Variants in EIF5B observed in about 807,000 individuals in gnomAD.
EIF5B encodes the protein eIF-5B.
In EIF5B, 47 loss-of-function variants were observed where a neutral mutation model predicts 147.5. The ratio of observed to expected loss-of-function variants is 0.32; its 90% CI spans 0.25 to 0.41. EIF5B has a LOEUF of 0.41. Ranked by LOEUF, EIF5B falls within the 10% of genes least tolerant of loss-of-function variation. The probability of loss-of-function intolerance (pLI) is 1.00; values close to 1 mark genes in which losing one functional copy is unlikely to be tolerated. For synonymous variants in EIF5B, 455 were observed against 456.2 expected (o/e 1.00, Z 0.03); for missense variants, 1,064 against 1,413.2 (o/e 0.75, Z 3.96).
At chr2:99,346,861 C>T (rs1014360244) in intron 1 of EIF5B, among the ~76,000 whole-genome samples, 5 of 151,568 alleles carry the variant, frequency 3.3e-5, no homozygotes, top group African/African-American at 9.7e-5. Flanking sequence ...TGAGCCACTG[C>T]GCCTGGCCCA....
At chr2:99,352,599 C>T (rs1673994448) in intron 1 of EIF5B, among the ~76,000 whole-genome samples, 1 of 149,634 alleles carries the variant, frequency 6.7e-6, no homozygotes, top group Non-Finnish European at 1.5e-5. Context: ...GCCTTAGCTT[C>T]CTGAGTAGCT....
At chr2:99,365,840 T>A (rs187816289) in intron 6 of EIF5B, among the ~76,000 whole-genome samples, 1 of 152,110 alleles carries the variant, frequency 6.6e-6, no homozygotes, top group Non-Finnish European at 1.5e-5. Context: ...ACATTCAAGG[T>A]TCCCCCCCAC....
intron 1 of EIF5B, among the ~76,000 whole-genome samples, chr2:99,351,826 TACCTAGGATTACA>T (rs1673973903): frequency 6.6e-6 from 1 of 152,098 alleles, no homozygotes; most frequent in Admixed American, 6.6e-5. Flanking sequence ...GCCTCCTGAG[TACCTAGGATTACA>T]GGCACGAGCC....
chr2:99,370,356 C>G (rs542129824), intron 8 of EIF5B, among the ~76,000 whole-genome samples: 2 of 152,124 alleles, frequency 1.3e-5, no homozygotes, highest in East Asian at 3.9e-4. Context: ...GAATCCCCAG[C>G]GATTAAAGAT....
intron 14 of EIF5B, among the ~76,000 whole-genome samples, chr2:99,386,446 T>C (rs1309428547): frequency 6.7e-6 from 1 of 149,698 alleles, no homozygotes; most frequent in Admixed American, 6.7e-5. Flanking sequence ...ACTTGGTTTT[T>C]CATTTTCTTT....
chr2:99,364,340 AAAG>A lies in EIF5B; in HGVS notation c.1211_1213del (p.Glu404del). The A allele has an allele frequency of 6.2e-7, 1 of 1,610,536 alleles. No homozygotes were observed. Among genetic ancestry groups the A allele is most frequent in the Non-Finnish European group, 8.5e-7 (1 of 1,179,264 alleles). Reference sequence around the variant, plus strand: ...AAAAGAAAGAAAAGAACGCTTGAAAAAAGAAGGGAAACTTTTAACTAAATCCCA... The same window carrying A: ...AAAAGAAAGAAAAGAACGCTTGAAAAAAGGGAAACTTTTAACTAAATCCCA... On this transcript the variant is annotated inframe_deletion, in exon 6 of 24. Coordinates refer to ENST00000289371, the MANE Select transcript of EIF5B (RefSeq NM_015904.4).
intron 1 of EIF5B, chr2:99,338,361 T>G (rs1468077015): frequency 7.8e-7 from 1 of 1,288,384 alleles, no homozygotes. Flanking sequence ...TCGATTGAGT[T>G]CTGTTACTCA....
chr2:99,345,312 G>A (rs546591335), intron 1 of EIF5B, among the ~76,000 whole-genome samples: 44 of 152,226 alleles, frequency 2.9e-4, no homozygotes, highest in African/African-American at 1.0e-3. Flanking sequence ...ACATGCGACC[G>A]GGCATGGTGG....
At chr2:99,374,921 G>GT (rs1674531484) in intron 9 of EIF5B, among the ~76,000 whole-genome samples, 3 of 151,920 alleles carry the variant, frequency 2.0e-5, no homozygotes, top group Admixed American at 2.0e-4. Context: ...AGTCTCTGTG[G>GT]TTCATTCTGG....
At chr2:99,342,553 T>C (rs1021806196) in intron 1 of EIF5B, among the ~76,000 whole-genome samples, 6 of 152,212 alleles carry the variant, frequency 3.9e-5, no homozygotes, top group Non-Finnish European at 7.3e-5. Flanking sequence ...ACAGAATTTT[T>C]GTTGCTGTTA....
chr2:99,399,438 G>A lies in EIF5B; in HGVS notation c.*24G>A. 1.2e-6 allele frequency: 2 copies of A among 1,601,120 alleles called. No homozygotes were observed. The highest frequency in any genetic ancestry group is 1.7e-6 in the Non-Finnish European group (2 of 1,168,808). Reference sequence around the variant, plus strand: ...AATTTTTTCACATGGAGCAGGAACTGGAGTAAATGCAATACTGTGTTGTAA... The same window carrying A: ...AATTTTTTCACATGGAGCAGGAACTAGAGTAAATGCAATACTGTGTTGTAA... On this transcript the variant is annotated 3_prime_UTR_variant, in exon 24 of 24. Transcript: ENST00000289371.
intron 14 of EIF5B, 133 bp downstream of exon 14, chr2:99,383,054 T>TTG (rs146864457): frequency 0.062 from 57,761 of 927,478 alleles, 2,103 homozygotes; most frequent in Non-Finnish European, 0.071. Flanking sequence ...TTCACAGATA[T>TTG]TGTGTGTGTG....
intron 11 of EIF5B, 54 bp from the exon 12 acceptor site, chr2:99,379,264 G>C (rs1370412351): frequency 3.3e-6 from 5 of 1,500,178 alleles, no homozygotes; most frequent in South Asian, 2.4e-5. Flanking sequence ...TATTATTTTT[G>C]CTGCTATCTT....
chr2:99,366,974 A>G (rs1674340820), intron 6 of EIF5B, among the ~76,000 whole-genome samples: 1 of 152,204 alleles, frequency 6.6e-6, no homozygotes, highest in Admixed American at 6.5e-5. Context: ...TACTAGAACA[A>G]TTGGACATCT....
intron 21 of EIF5B, among the ~76,000 whole-genome samples, chr2:99,395,986 G>A (rs1675038199): frequency 6.6e-6 from 1 of 152,144 alleles, no homozygotes; most frequent in African/African-American, 2.4e-5. Context: ...CTGGTTAATT[G>A]GGTTGTTATG....
chr2:99,364,183 G>C, intron 5 of EIF5B, 88 bp from the exon 6 acceptor site: 11 of 1,480,196 alleles, frequency 7.4e-6, no homozygotes, highest in Non-Finnish European at 9.9e-6. Context: ...TGTCTCAAGA[G>C]ATTTATTTGA....
At chr2:99,359,043 G>A (rs1336378048) in intron 1 of EIF5B, among the ~76,000 whole-genome samples, 2 of 151,986 alleles carry the variant, frequency 1.3e-5, no homozygotes, top group Admixed American at 6.6e-5. Flanking sequence ...TTATAATATG[G>A]TTGAAAGTTA....
rs188422665 is a variant in EIF5B at position 99,354,685 on chromosome 2, G to C, written c.36-5551G>C. ...TATCTTGGGTTCACTCTTGGATAAG[G>C]ACTGAGGGTGAGGTTCATTTTTGTG... On this transcript the variant is annotated intron_variant, in intron 1 of 23. Transcript: ENST00000289371. 2.3e-3 allele frequency among the ~76,000 whole-genome samples: 346 copies of C among 152,066 alleles called. 4 individuals are homozygous for C. Among genetic ancestry groups the C allele is most frequent in the African/African-American group, 8.1e-3 (337 of 41,458 alleles).
chr2:99,342,944 T>TTTTCTTTCTTTC (rs750690880), intron 1 of EIF5B, among the ~76,000 whole-genome samples: 2 of 151,060 alleles, frequency 1.3e-5, no homozygotes, highest in Non-Finnish European at 3.0e-5. Flanking sequence ...TGGGTTGTCT[T>TTTTCTTTCTTTC]TTTCTTTCTT....
Sources: gnomAD v4.1 joint callset for allele counts (sites outside exome capture counted in the v4.1 genomes callset) on GRCh38, gnomAD v4.1.1 for gene constraint, MANE v1.5 for transcripts, NCBI Gene and HGNC (gene_info 2026-07-23, HGNC 2026-07-21) for gene names.